Variants in AARS1 observed in about 807,000 individuals in gnomAD.
The protein encoded by AARS1 is alanyl-tRNA synthetase 1.
A neutral mutation model predicts 108.9 loss-of-function variants in AARS1; 72 were observed. The ratio of observed to expected loss-of-function variants is 0.66; its 90% CI spans 0.55 to 0.80. The LOEUF (loss-of-function observed/expected upper bound fraction) is 0.80, where lower values mean the gene tolerates loss of function less well. Among genes scored for constraint, AARS1 ranks in the 30% least tolerant of loss-of-function variants. AARS1 has a pLI of 0.00. For synonymous variants in AARS1, 489 were observed against 465.7 expected (o/e 1.05, Z -0.64); for missense variants, 1,193 against 1,233.2 (o/e 0.97, Z 0.49).
At chr16:70,265,685 G>A (rs746536236) in intron 9 of AARS1, 23 bp from the exon 10 acceptor site, 2 of 1,610,382 alleles carry the variant, frequency 1.2e-6, no homozygotes, top group East Asian at 2.2e-5. Flanking sequence ...AAGGAGGTGT[G>A]TCAAAAAAAA....
In AARS1 at chr16:70,255,776, G is replaced by C; in HGVS notation, c.2238C>G (p.Ala746=). ...CAGCCACAATCCTCCGGATACCCTT[G>C]GCAATGGCTTCTTCCGTCACGATCA... ...AFVIVTEEAI[A]KGIRRIVAVT... The change falls in exon 16 of 21, where the codon GCC becomes GCG. Residue 746 remains alanine (A), a synonymous_variant. Coordinates refer to ENST00000261772, the MANE Select transcript of AARS1 (RefSeq NM_001605.3). The C allele has an allele frequency of 6.2e-7, 1 of 1,614,200 alleles. No individual in the cohort carries two copies. Among genetic ancestry groups the C allele is most frequent in the South Asian group, 1.1e-5 (1 of 91,084 alleles).
intron 4 of AARS1, among the ~76,000 whole-genome samples, chr16:70,273,766 G>A (rs1280684735): frequency 6.7e-6 from 1 of 150,278 alleles, no homozygotes; most frequent in Non-Finnish European, 1.5e-5. Flanking sequence ...AGGAGGCTGA[G>A]GCAGGAGAAT....
At chr16:70,279,481 G>A (rs1050727277) in intron 2 of AARS1, among the ~76,000 whole-genome samples, 7 of 150,874 alleles carry the variant, frequency 4.6e-5, no homozygotes, top group South Asian at 2.1e-4. Context: ...CCAACGTGGC[G>A]AAACCCTGTC....
chr16:70,252,473 T>C lies in AARS1; in HGVS notation c.*248A>G. On this transcript the variant is annotated 3_prime_UTR_variant, in exon 21 of 21. Coordinates refer to ENST00000261772, the MANE Select transcript of AARS1 (RefSeq NM_001605.3). ...AAAGCTCAGGTCTGGAGAGCCGTTA[T>C]CTATAGATGCGAGCGTGACGATCAA... 1.8e-6 allele frequency: 1 copy of C among 561,530 alleles called. No individual in the cohort carries two copies. Among genetic ancestry groups the C allele is most frequent in the Non-Finnish European group, 3.2e-6 (1 of 312,824 alleles). 34.8% of individuals were successfully genotyped at this position (561,530 alleles called of 1,614,324 possible). A position where few individuals can be genotyped will look rare whatever the true frequency, so the allele number is the denominator to read the frequency against.
chr16:70,288,102 T>C (rs1209202875), intron 1 of AARS1, among the ~76,000 whole-genome samples: 47 of 134,314 alleles, frequency 3.5e-4, no homozygotes, highest in Non-Finnish European at 5.6e-4. Context: ...CTTCTTCTTT[T>C]TTTTTTTTTT....
intron 7 of AARS1, 108 bp downstream of exon 7, chr16:70,269,510 G>C: frequency 1.3e-6 from 2 of 1,505,386 alleles, no homozygotes; most frequent in African/African-American, 1.4e-5. Flanking sequence ...CTCCAGCCTG[G>C]GCAACAGAGC....
At chr16:70,259,677 G>C (rs1182973978) in intron 13 of AARS1, among the ~76,000 whole-genome samples, 1 of 151,878 alleles carries the variant, frequency 6.6e-6, no homozygotes, top group African/African-American at 2.4e-5. Context: ...TAGAGATGGG[G>C]TCTCATGTTG....
At position 70,253,256 on chromosome 16, in the gene AARS1, G is replaced by A. The variant is rs773430117; in HGVS notation, c.2721+12C>T. On this transcript the variant is annotated intron_variant, in intron 20 of 20. Transcript: ENST00000261772. ...GACCTAACACTTCCCACTGGTGCGAGGTGGTGCTGACCTGGGGAACTTGAC... is the reference window on the plus strand; with the variant it reads ...GACCTAACACTTCCCACTGGTGCGAAGTGGTGCTGACCTGGGGAACTTGAC... The A allele has an allele frequency of 1.3e-6, 2 of 1,590,286 alleles. No homozygotes were observed. Among genetic ancestry groups the A allele is most frequent in the South Asian group, 1.1e-5 (1 of 90,520 alleles).
chr16:70,266,510 C>T (rs1235480736), intron 9 of AARS1, among the ~76,000 whole-genome samples: 1 of 150,410 alleles, frequency 6.6e-6, no homozygotes, highest in Non-Finnish European at 1.5e-5. Flanking sequence ...ACAAAAACAA[C>T]CTCACCTGGA....
At chr16:70,268,499 C>A (rs2152160838) in intron 7 of AARS1, 120 bp from the exon 8 acceptor site, 1 of 757,194 alleles carries the variant, frequency 1.3e-6, no homozygotes, top group East Asian at 2.7e-5. Flanking sequence ...AAGCCTGCTT[C>A]TTTCGCATTC....
At position 70,262,535 on chromosome 16, in the gene AARS1, G is replaced by A. The variant is rs769622893; in HGVS notation, c.1493-11C>T. ...CTGTGTTCTCAAATACTGCTCAAGG[G>A]AAATGCATAGAAAGGGGACAGTGGG... On this transcript the variant is annotated splice_polypyrimidine_tract_variant and intron_variant, in intron 11 of 20. Coordinates refer to ENST00000261772, the MANE Select transcript of AARS1 (RefSeq NM_001605.3). 1 of 1,603,864 alleles carries A rather than the reference G, an allele frequency of 6.2e-7. No homozygotes were observed. Among genetic ancestry groups the A allele is most frequent in the Non-Finnish European group, 8.5e-7 (1 of 1,171,990 alleles).
Position 70,253,292 on chromosome 16 carries a change from G to A in AARS1, c.2697C>T (p.Ile899=). The change falls in exon 20 of 21, where the codon ATC becomes ATT. Residue 899 remains isoleucine, a synonymous_variant. Transcript: ENST00000261772. ...LFTVDNEAGK[I]TCLCQVPQNA... is the part of the protein sequence containing the mutation. ...CCTGGGGAACTTGACACAGGCACGT[G>A]ATCTTGCCAGCCTCATTGTCCACCG... 4 of 1,614,102 alleles carry A rather than the reference G, an allele frequency of 2.5e-6. No individual in the cohort carries two copies. Among genetic ancestry groups the A allele is most frequent in the Non-Finnish European group, 8.5e-7 (1 of 1,179,926 alleles).
At chr16:70,266,859 G>T (rs1373718959) in intron 9 of AARS1, among the ~76,000 whole-genome samples, 1 of 151,476 alleles carries the variant, frequency 6.6e-6, no homozygotes, top group African/African-American at 2.4e-5. Context: ...TTTTTGAGAT[G>T]GTGTTTCGCT....
intron 2 of AARS1, among the ~76,000 whole-genome samples, chr16:70,280,097 C>A (rs1380410574): frequency 6.6e-6 from 1 of 151,968 alleles, no homozygotes; most frequent in African/African-American, 2.4e-5. Context: ...TTCTCTTTTC[C>A]TTTCAGACAG....
chr16:70,274,685 T>C (rs1346399494), intron 4 of AARS1, among the ~76,000 whole-genome samples: 2 of 146,866 alleles, frequency 1.4e-5, no homozygotes, highest in Admixed American at 6.9e-5. Context: ...GATCGCGTCA[T>C]TGCACTCCAG....
chr16:70,275,408 G>T (rs1461947356), intron 4 of AARS1, among the ~76,000 whole-genome samples: 1 of 151,830 alleles, frequency 6.6e-6, no homozygotes, highest in Non-Finnish European at 1.5e-5. Flanking sequence ...GAGGTCAGGA[G>T]ATCGAGATCA....
chr16:70,272,535 A>AAC, intron 4 of AARS1, among the ~76,000 whole-genome samples: 1 of 146,244 alleles, frequency 6.8e-6, no homozygotes, highest in East Asian at 2.0e-4. Context: ...AAAAAAAAAA[A>AAC]ACCCGCTAAA....
In AARS1 at chr16:70,259,364, A is replaced by T. The variant is rs538678270; in HGVS notation, c.1786-178T>A. 2.0e-5 allele frequency among the ~76,000 whole-genome samples: 3 copies of T among 152,290 alleles called. No homozygotes were observed. In the South Asian group the frequency reaches 6.2e-4, roughly 32 times the overall value. On this transcript the variant is annotated intron_variant, in intron 13 of 20. Transcript: ENST00000261772. ...TCCATGTGACTAAGTTCGGGTCAAAAGGTTTTGAACAGAAGTGATGTCTAC... is the reference window on the plus strand; with the variant it reads ...TCCATGTGACTAAGTTCGGGTCAAATGGTTTTGAACAGAAGTGATGTCTAC...
At chr16:70,266,131 G>A (rs1439961203) in intron 9 of AARS1, among the ~76,000 whole-genome samples, 1 of 152,116 alleles carries the variant, frequency 6.6e-6, no homozygotes, top group African/African-American at 2.4e-5. Flanking sequence ...GGCCAATACG[G>A]TGAAACCCTG....
Sources: allele counts gnomAD v4.1 joint callset (sites outside exome capture counted in the v4.1 genomes callset), GRCh38; gene constraint gnomAD v4.1.1; transcripts MANE v1.5; gene names NCBI Gene and HGNC (gene_info 2026-07-23, HGNC 2026-07-21).